Variants in TBX18 observed in about 807,000 individuals in gnomAD.
The protein encoded by TBX18 is T-box transcription factor TBX18.
TBX18 carries 21 observed loss-of-function variants against 55.0 expected under a neutral mutation model. The observed-to-expected ratio is 0.38, with a 90% CI of 0.27 to 0.55. The LOEUF is 0.55. Ranked by LOEUF, TBX18 falls within the 20% of genes least tolerant of loss-of-function variation. The pLI, the probability that TBX18 is intolerant of heterozygous loss-of-function variation, is 0.73. For missense variants in TBX18, 840 were observed against 799.6 expected (o/e 1.05, Z -0.61); for synonymous variants, 342 against 326.1 (o/e 1.05, Z -0.53).
chr6:84,743,269 A>AG (rs1767093434), intron 6 of TBX18, among the ~76,000 whole-genome samples: 1 of 152,178 alleles, frequency 6.6e-6, no homozygotes. Context: ...ATGACATCAC[A>AG]TCTCTGCAAG....
intron 6 of TBX18, chr6:84,741,688 G>T (rs1410026421): frequency 6.6e-6 from 1 of 152,100 alleles, no homozygotes; most frequent in Non-Finnish European, 1.5e-5. Context: ...AATAGAATTT[G>T]TTTTAAAAAC....
rs1283260215 is a variant in TBX18 at position 84,738,526 on chromosome 6, A to G, written c.1070T>C (p.Phe357Ser). ...CTTGGGAATTCCAGGGATATCTTCAAAGGTCAGAGTCCGTAGTGATGGTCG... is the reference window on the plus strand; with the variant it reads ...CTTGGGAATTCCAGGGATATCTTCAGAGGTCAGAGTCCGTAGTGATGGTCG... ...FWRPSLRTLT[F>S]EDIPGIPKQG... The change falls in exon 7 of 8, where the codon TTT becomes TCT. Residue 357 changes from phenylalanine (F) to serine (S), a missense_variant. Physicochemically the swap from Phe to Ser is radical, Grantham distance 155. Coordinates refer to ENST00000369663, the MANE Select transcript of TBX18 (RefSeq NM_001080508.3). 30 of 1,614,022 alleles carry G rather than the reference A, an allele frequency of 1.9e-5. No individual in the cohort carries two copies. Among genetic ancestry groups the G allele is most frequent in the Non-Finnish European group, 2.5e-5 (29 of 1,180,024 alleles).
intron 1 of TBX18, 56 bp from the exon 2 acceptor site, chr6:84,762,804 G>A: frequency 6.5e-7 from 1 of 1,532,100 alleles, no homozygotes; most frequent in Non-Finnish European, 8.9e-7. Flanking sequence ...GGGGAAGCCA[G>A]CCGCGGAGAC....
rs1298456471 is a variant in TBX18, at chr6:84,732,849, CAG to C, written c.*3834_*3835del. On this transcript the variant is annotated 3_prime_UTR_variant, in exon 8 of 8. Transcript: ENST00000369663. ...ATATATATATATATCCAAAAATAAA[CAG>C]AATATATTCCAAAAGATATAATAGT... 2 of 151,456 alleles carry C rather than the reference CAG, an allele frequency of 1.3e-5. No individual in the cohort carries two copies. The highest frequency in any genetic ancestry group is 6.6e-5 in the Admixed American group (1 of 15,212). The allele number at this position is 151,456 out of a possible 1,614,324, so 9.4% of individuals were successfully genotyped here.
intron 6 of TBX18, among the ~76,000 whole-genome samples, chr6:84,740,822 A>G (rs947252037): frequency 2.0e-5 from 3 of 152,218 alleles, no homozygotes; most frequent in Non-Finnish European, 4.4e-5. Context: ...AGCAGTCTTG[A>G]GGGAAGTTTA....
chr6:84,763,677 G>T (rs528797665), intron 1 of TBX18, among the ~76,000 whole-genome samples: 9 of 152,102 alleles, frequency 5.9e-5, no homozygotes, highest in African/African-American at 1.9e-4. Context: ...CCGAGTGGGC[G>T]GCGGCCGCCC....
At chr6:84,738,841 A>T (rs1766967047) in intron 6 of TBX18, among the ~76,000 whole-genome samples, 1 of 152,094 alleles carries the variant, frequency 6.6e-6, no homozygotes, top group South Asian at 2.1e-4. Flanking sequence ...AACTCAGCTG[A>T]CCTGAAGGGT....
intron 4 of TBX18, among the ~76,000 whole-genome samples, chr6:84,753,393 G>A (rs1417934756): frequency 1.3e-5 from 2 of 151,146 alleles, no homozygotes; most frequent in Non-Finnish European, 2.9e-5. Flanking sequence ...TCACTATGCT[G>A]CACACTTGCA....
chr6:84,763,867 T>C (rs952178714), intron 1 of TBX18, 23 bp downstream of exon 1: 15 of 1,474,846 alleles, frequency 1.0e-5, no homozygotes, highest in South Asian at 8.3e-5. Context: ...AGAGAAGTTA[T>C]AGGCAGGAAG....
chr6:84,762,694 C>G lies in TBX18; in HGVS notation c.347G>C (p.Gly116Ala). ...GCGCGCCGGAGACCCCTTGGGGGAG[C>G]CTCCCGGTGACGCCAGAGGGGAAGC... ...QGASPLASPG[G>A]SPKGSPARSL... Residue 116 changes from glycine to alanine, a missense_variant, in exon 2 of 8, where the codon GGC becomes GCC. By Grantham distance (60) the Gly-to-Ala change is moderately conservative. Coordinates refer to ENST00000369663, the MANE Select transcript of TBX18 (RefSeq NM_001080508.3). 6 of 1,610,780 alleles carry G rather than the reference C, an allele frequency of 3.7e-6. No individual in the cohort carries two copies. Among genetic ancestry groups the G allele is most frequent in the Non-Finnish European group, 5.1e-6 (6 of 1,179,030 alleles).
At chr6:84,751,989 T>A (rs1287215696) in intron 4 of TBX18, among the ~76,000 whole-genome samples, 1 of 152,252 alleles carries the variant, frequency 6.6e-6, no homozygotes, top group African/African-American at 2.4e-5. Flanking sequence ...AATGATATGA[T>A]GCCCATCTCC....
At chr6:84,749,216 T>C (rs1767276311) in intron 4 of TBX18, among the ~76,000 whole-genome samples, 1 of 151,982 alleles carries the variant, frequency 6.6e-6, no homozygotes, top group Admixed American at 6.6e-5. Context: ...CATTAAGGAG[T>C]TTCCTTAAGA....
rs1371885487 is a variant in TBX18, at chr6:84,735,359, C to T, written c.*1326G>A. On this transcript the variant is annotated 3_prime_UTR_variant, in exon 8 of 8. Coordinates refer to ENST00000369663, the MANE Select transcript of TBX18 (RefSeq NM_001080508.3). Reference sequence around the variant, plus strand: ...AAATTTAATACTGATTTTAATTTCTCCAGTTCTGACATTACAAATTCTGTT... The same window carrying T: ...AAATTTAATACTGATTTTAATTTCTTCAGTTCTGACATTACAAATTCTGTT... The T allele has an allele frequency of 2.0e-5, 3 of 152,162 alleles. No individual in the cohort carries two copies. The highest frequency in any genetic ancestry group is 4.4e-5 in the Non-Finnish European group (3 of 68,026). The allele number at this position is 152,162 out of a possible 1,614,324, so 9.4% of individuals were successfully genotyped here. A position where few individuals can be genotyped will look rare whatever the true frequency, so the allele number is the denominator to read the frequency against.
Position 84,737,391 on chromosome 6 carries a change from G to A in TBX18, c.1118C>T (p.Thr373Ile), listed in dbSNP as rs371637641. The A allele has an allele frequency of 4.0e-5, 60 of 1,516,166 alleles. No homozygotes were observed. The Admixed American group carries it at 1.3e-3, about 33-fold the overall frequency. The allele number at this position is 1,516,166 out of a possible 1,614,324, so 93.9% of individuals were successfully genotyped here. Residue 373 changes from threonine to isoleucine, a missense_variant, in exon 8 of 8, where the codon ACC becomes ATC. Transcript: ENST00000369663. ...GCCATTCCCAGTACCTTGGAGCAAG[G>A]TGGAGGAACTTGCATTGCCTACAAA... The part of the protein sequence containing the change: ...IPKQGNASSS[T>I]LLQGTGNGVP...
In TBX18 at chr6:84,732,672, C is replaced by G. The variant is rs1773835788; in HGVS notation, c.*4013G>C. 6.6e-6 allele frequency: 1 copy of G among 151,964 alleles called. No homozygotes were observed. The highest frequency in any genetic ancestry group is 2.4e-5 in the African/African-American group (1 of 41,410). 9.4% of individuals were successfully genotyped at this position (151,964 alleles called of 1,614,324 possible). ...TCACTATAAAGTAGCAAATACGTTA[C>G]TAAGTATAGCTTCCTTCTGATATTA... is the stretch of plus-strand genomic sequence containing the variant. On this transcript the variant is annotated 3_prime_UTR_variant, in exon 8 of 8. Coordinates refer to ENST00000369663, the MANE Select transcript of TBX18 (RefSeq NM_001080508.3).
At chr6:84,760,217 GT>G (rs560234572) in intron 3 of TBX18, 37 bp downstream of exon 3, 15,271 of 1,026,882 alleles carry the variant, frequency 0.015, no homozygotes, top group South Asian at 0.023. Context: ...AAATCCTAGT[GT>G]TTTTTTTTTT....
intron 2 of TBX18, among the ~76,000 whole-genome samples, chr6:84,762,312 T>A (rs1767671454): frequency 6.6e-6 from 1 of 152,204 alleles, no homozygotes; most frequent in African/African-American, 2.4e-5. Context: ...GACAGTAATT[T>A]TCTCCCTGGC....
In TBX18 at chr6:84,764,270, A is replaced by C; in HGVS notation, c.-89T>G. On this transcript the variant is annotated 5_prime_UTR_variant, in exon 1 of 8. Transcript: ENST00000369663. ...TCGCTCTTCCCCCACCAAAAACTAA[A>C]AGGCTCTCGGGGCCTCCCGAGATCT... 8 of 1,345,368 alleles carry C rather than the reference A, an allele frequency of 5.9e-6. No individual in the cohort carries two copies. The highest frequency in any genetic ancestry group is 7.6e-6 in the Non-Finnish European group (8 of 1,051,404). The allele number at this position is 1,345,368 out of a possible 1,614,324, so 83.3% of individuals were successfully genotyped here.
At chr6:84,737,767 A>G (rs1325314601) in intron 7 of TBX18, among the ~76,000 whole-genome samples, 1 of 152,146 alleles carries the variant, frequency 6.6e-6, no homozygotes, top group African/African-American at 2.4e-5. Context: ...AGGGGAGAGG[A>G]GAATTCCAAA....
Sources: gnomAD v4.1 joint callset for allele counts (sites outside exome capture counted in the v4.1 genomes callset) on GRCh38, gnomAD v4.1.1 for gene constraint, MANE v1.5 for transcripts, NCBI Gene and HGNC (gene_info 2026-07-23, HGNC 2026-07-21) for gene names.